The following CLMP variants were observed in gnomAD, a reference collection of about 807,000 sequenced individuals.
CLMP encodes the protein CXADR like cell adhesion molecule.
Under a neutral mutation model 45.2 loss-of-function variants are expected in CLMP, and 27 were observed. The observed-to-expected ratio is 0.60, with a 90% CI of 0.44 to 0.82. CLMP has a LOEUF of 0.82. Among genes scored for constraint, CLMP ranks in the 40% least tolerant of loss-of-function variants. The pLI, the probability that CLMP is intolerant of heterozygous loss-of-function variation, is 0.00. For missense variants in CLMP, 403 were observed against 448.4 expected (o/e 0.90, Z 0.91); for synonymous variants, 167 against 171.4 (o/e 0.97, Z 0.20).
chr11:123,075,024 C>T (rs1241348131), intron 5 of CLMP, among the ~76,000 whole-genome samples, 181 bp from the exon 6 acceptor site: 1 of 151,326 alleles, frequency 6.6e-6, no homozygotes, highest in Non-Finnish European at 1.5e-5. Context: ...GGCATGATCT[C>T]GGCTCATCGC....
At chr11:123,164,957 CAAGA>C (rs1434602990) in intron 1 of CLMP, among the ~76,000 whole-genome samples, 1 of 151,992 alleles carries the variant, frequency 6.6e-6, no homozygotes, top group African/African-American at 2.4e-5. Context: ...CTAATATGTC[CAAGA>C]AAGAAAGGAT....
chr11:123,089,333 C>T (rs534023622), intron 2 of CLMP, among the ~76,000 whole-genome samples: 14 of 151,524 alleles, frequency 9.2e-5, no homozygotes, highest in South Asian at 6.3e-4. Context: ...TGCAGTGAGC[C>T]GAGATCATGC....
intron 1 of CLMP, among the ~76,000 whole-genome samples, chr11:123,123,258 C>CTTT (rs1860843683): frequency 5.7e-5 from 5 of 87,840 alleles, no homozygotes; most frequent in African/African-American, 1.4e-4. Flanking sequence ...TTCTTTCTTT[C>CTTT]CTTTTTTTTT....
At chr11:123,192,067 G>C (rs767962490) in intron 1 of CLMP, among the ~76,000 whole-genome samples, 16 of 152,224 alleles carry the variant, frequency 1.1e-4, no homozygotes, top group Non-Finnish European at 1.5e-4. Flanking sequence ...TTGATCTGCA[G>C]TGGCAGGAAA....
At chr11:123,192,171 G>A (rs1861916855) in intron 1 of CLMP, among the ~76,000 whole-genome samples, 1 of 152,166 alleles carries the variant, frequency 6.6e-6, no homozygotes, top group Admixed American at 6.5e-5. Flanking sequence ...AAGTAATTCA[G>A]GTTCCCTACC....
Position 123,146,246 on chromosome 11 carries a change from A to G in CLMP, c.29-48294T>C, listed in dbSNP as rs550464983. Among the ~76,000 whole-genome samples, 6 of 152,296 alleles carry G rather than the reference A, an allele frequency of 3.9e-5. No individual in the cohort carries two copies. The South Asian group carries it at 1.2e-3, about 32-fold the overall frequency. On this transcript the variant is annotated intron_variant, in intron 1 of 6. Coordinates refer to ENST00000448775, the MANE Select transcript of CLMP (RefSeq NM_024769.5). ...ATTTCTTCCCTGTTAAAATTCAGCTATCAGGACTGAGTGTGGTGGCTCGCG... is the reference window on the plus strand; with the variant it reads ...ATTTCTTCCCTGTTAAAATTCAGCTGTCAGGACTGAGTGTGGTGGCTCGCG...
chr11:123,124,499 G>C (rs1860862483), intron 1 of CLMP, among the ~76,000 whole-genome samples: 1 of 152,194 alleles, frequency 6.6e-6, no homozygotes, highest in Non-Finnish European at 1.5e-5. Context: ...CAGCATGCAG[G>C]ACTATCTGGC....
In CLMP at chr11:123,114,410, G is replaced by A. The variant is rs868186292; in HGVS notation, c.29-16458C>T. ...AGAGCCATGAAACAAAGAATTGAAG[G>A]AGCTGCATTTTCTTTCCCTCCCTCC... On this transcript the variant is annotated intron_variant, in intron 1 of 6. Coordinates refer to ENST00000448775, the MANE Select transcript of CLMP (RefSeq NM_024769.5). Among the ~76,000 whole-genome samples, 44 of 150,540 alleles carry A rather than the reference G, an allele frequency of 2.9e-4. No individual in the cohort carries two copies. In the Middle Eastern group the frequency reaches 0.014, roughly 49 times the overall value.
Position 123,150,480 on chromosome 11 carries a change from A to AAAGAAAAAGG in CLMP, c.28+44432_28+44433insCCTTTTTCTT, listed in dbSNP as rs764502298. 8.3e-4 allele frequency among the ~76,000 whole-genome samples: 34 copies of AAAGAAAAAGG among 40,988 alleles called. 1 individual carries two copies. The highest frequency in any genetic ancestry group is 0.012 in the Middle Eastern group (1 of 86). The allele number at this position is 40,988 out of a possible 152,430, so 26.9% of individuals were successfully genotyped here. On this transcript the variant is annotated intron_variant, in intron 1 of 6. Transcript: ENST00000448775. ...GAAAGAAAGAAAGAAAGAAAGAAAG[A>AAAGAAAAAGG]AAGGAAGGAAGGAAGGAAGGAAGGA...
At chr11:123,159,673 C>T (rs1861458835) in intron 1 of CLMP, among the ~76,000 whole-genome samples, 1 of 152,020 alleles carries the variant, frequency 6.6e-6, no homozygotes, top group Non-Finnish European at 1.5e-5. Context: ...GGCGGGAGGC[C>T]CAGGGGGCAC....
At chr11:123,148,261 C>G (rs1223961476) in intron 1 of CLMP, among the ~76,000 whole-genome samples, 1 of 152,208 alleles carries the variant, frequency 6.6e-6, no homozygotes, top group Non-Finnish European at 1.5e-5. Flanking sequence ...TGGTCCAGGT[C>G]TTTCTGACCT....
Position 123,073,516 on chromosome 11 carries a change from G to A in CLMP, c.1080C>T (p.Pro360=), listed in dbSNP as rs986837881. The part of the protein sequence containing the change: ...HANLTKAETT[P]SMIPSQSRAF... ...CTCTGCTCTGGCTGGGGATCATGCT[G>A]GGTGTGGTTTCTGCTTTGGTCAGAT... is the stretch of plus-strand genomic sequence containing the variant. Residue 360 remains proline, a synonymous_variant, in exon 7 of 7, where the codon CCC becomes CCT. Transcript: ENST00000448775. The A allele has an allele frequency of 4.3e-6, 7 of 1,614,018 alleles. No homozygotes were observed. The highest frequency in any genetic ancestry group is 5.9e-6 in the Non-Finnish European group (7 of 1,180,010).
chr11:123,104,179 A>G (rs1860500075), intron 1 of CLMP, among the ~76,000 whole-genome samples: 2 of 123,080 alleles, frequency 1.6e-5, no homozygotes, highest in Middle Eastern at 5.5e-3. Flanking sequence ...TCTGTAGCCC[A>G]GGCTGGAGTG....
chr11:123,117,217 T>C (rs1860731615), intron 1 of CLMP, among the ~76,000 whole-genome samples: 1 of 152,038 alleles, frequency 6.6e-6, no homozygotes, highest in African/African-American at 2.4e-5. Flanking sequence ...CACTGTGCAC[T>C]AAGGGATATA....
In CLMP at chr11:123,098,046, T is replaced by G; in HGVS notation, c.29-94A>C. The G allele has an allele frequency of 4.5e-6, 5 of 1,101,564 alleles. 1 individual carries two copies. Among genetic ancestry groups the G allele is most frequent in the Non-Finnish European group, 5.0e-6 (4 of 802,308 alleles). The allele number at this position is 1,101,564 out of a possible 1,614,324, so 68.2% of individuals were successfully genotyped here. ...AACAAAGAATTATGGGATGTTCCCGTGGGCAAGTGCATGTGGAGGGGTTGC... is the reference window on the plus strand; with the variant it reads ...AACAAAGAATTATGGGATGTTCCCGGGGGCAAGTGCATGTGGAGGGGTTGC... On this transcript the variant is annotated intron_variant, in intron 1 of 6. Transcript: ENST00000448775.
intron 1 of CLMP, among the ~76,000 whole-genome samples, chr11:123,177,561 G>A (rs1861715592): frequency 6.6e-6 from 1 of 152,172 alleles, no homozygotes; most frequent in Non-Finnish European, 1.5e-5. Flanking sequence ...TGGATTCTGG[G>A]CCTCAAGATC....
intron 1 of CLMP, among the ~76,000 whole-genome samples, chr11:123,120,818 A>T (rs1300512681): frequency 6.6e-6 from 1 of 152,078 alleles, no homozygotes; most frequent in Non-Finnish European, 1.5e-5. Flanking sequence ...CTCATGTTAT[A>T]TTCAGAGATA....
chr11:123,137,147 CTT>C (rs375816483), intron 1 of CLMP, among the ~76,000 whole-genome samples: 20,644 of 80,404 alleles, frequency 0.26, 1,033 homozygotes, highest in Middle Eastern at 0.32. Context: ...TTTTCTTTTT[CTT>C]TTTTTTTTTT....
intron 1 of CLMP, among the ~76,000 whole-genome samples, chr11:123,163,900 G>A (rs1186709618): frequency 6.6e-6 from 1 of 152,148 alleles, no homozygotes; most frequent in Non-Finnish European, 1.5e-5. Context: ...GCAAATCATT[G>A]TACAGTGGAG....
Sources: gnomAD v4.1 joint callset for allele counts (sites outside exome capture counted in the v4.1 genomes callset) on GRCh38, gnomAD v4.1.1 for gene constraint, MANE v1.5 for transcripts, NCBI Gene and HGNC (gene_info 2026-07-23, HGNC 2026-07-21) for gene names.